Variants in PSMD1 observed in about 807,000 individuals in gnomAD.
The protein encoded by PSMD1 is proteasome 26S subunit, non-ATPase 1, also known as 26S proteasome non-ATPase regulatory subunit 1.
PSMD1 carries 18 observed loss-of-function variants against 119.0 expected under a neutral mutation model. The ratio of observed to expected loss-of-function variants is 0.15; its 90% CI spans 0.10 to 0.22. The LOEUF (loss-of-function observed/expected upper bound fraction) is 0.22. Among genes scored for constraint, PSMD1 ranks in the 10% least tolerant of loss-of-function variants. The probability of loss-of-function intolerance (pLI) is 1.00; values close to 1 mark genes in which losing one functional copy is unlikely to be tolerated. For missense variants in PSMD1, 702 were observed against 1,158.5 expected (o/e 0.61, Z 5.72); for synonymous variants, 374 against 396.6 (o/e 0.94, Z 0.68).
intron 19 of PSMD1, among the ~76,000 whole-genome samples, chr2:231,157,430 C>CTTTTTTTTTTT (rs756874279): frequency 1.5e-4 from 19 of 128,788 alleles, no homozygotes; most frequent in East Asian, 2.3e-4. Flanking sequence ...TTTTCTTTTT[C>CTTTTTTTTTTT]TTTTTTTTTT....
At chr2:231,129,615 T>C (rs546642503) in intron 16 of PSMD1, among the ~76,000 whole-genome samples, 13 of 152,320 alleles carry the variant, frequency 8.5e-5, no homozygotes, top group African/African-American at 3.1e-4. Flanking sequence ...ACAGTCTGTG[T>C]GGTTTTGTTT....
chr2:231,087,471 C>T lies in PSMD1; in HGVS notation c.1883+290C>T, dbSNP rs146748435. Among the ~76,000 whole-genome samples the T allele has an allele frequency of 1.9e-4, 29 of 152,248 alleles. No homozygotes were observed. The East Asian group carries it at 5.6e-3, about 29-fold the overall frequency. ...AACTTTTTAAATCCAAATAACACAT[C>T]CAGTACTCCTCTTCTTGTATATTGG... is the stretch of plus-strand genomic sequence containing the variant. On this transcript the variant is annotated intron_variant, in intron 16 of 24. Transcript: ENST00000308696.
At chr2:231,064,121 T>C (rs1395554220) in intron 4 of PSMD1, among the ~76,000 whole-genome samples, 2 of 152,262 alleles carry the variant, frequency 1.3e-5, no homozygotes, top group African/African-American at 4.8e-5. Context: ...TCATTTTACC[T>C]TTGGAAGGTG....
chr2:231,099,792 G>A (rs1032004413), intron 16 of PSMD1, among the ~76,000 whole-genome samples: 17 of 152,096 alleles, frequency 1.1e-4, no homozygotes, highest in African/African-American at 3.6e-4. Context: ...AAATGGGGAT[G>A]GCTCGCCTCT....
In PSMD1 at chr2:231,083,730, T is replaced by C; in HGVS notation, c.1689T>C (p.Ala563=). ...TAATGTATGGGAGGATGGAAGAGGC[T>C]GATGCTCTCATTGAATCTCTCTGTC... ...ALVMYGRMEE[A]DALIESLCRD... The change falls in exon 14 of 25, where the codon GCT becomes GCC. Residue 563 remains alanine (A), a synonymous_variant. Coordinates refer to ENST00000308696, the MANE Select transcript of PSMD1 (RefSeq NM_002807.4). 1.9e-6 allele frequency: 3 copies of C among 1,614,202 alleles called. No individual in the cohort carries two copies. The highest frequency in any genetic ancestry group is 2.5e-6 in the Non-Finnish European group (3 of 1,180,038).
intron 5 of PSMD1, among the ~76,000 whole-genome samples, chr2:231,069,151 CA>C (rs1693976837): frequency 6.9e-6 from 1 of 144,174 alleles, no homozygotes; most frequent in Admixed American, 6.9e-5. Context: ...AGCAGTCAAA[CA>C]AATAAATATA....
At chr2:231,123,730 C>T in intron 16 of PSMD1, 1 of 1,614,002 alleles carries the variant, frequency 6.2e-7, no homozygotes, top group East Asian at 2.2e-5. Flanking sequence ...AGGAATTGTG[C>T]TTTGAAGTTC....
chr2:231,113,809 T>C, intron 16 of PSMD1: 2 of 1,614,180 alleles, frequency 1.2e-6, no homozygotes, highest in Non-Finnish European at 1.7e-6. Context: ...GATTGGCTTT[T>C]TGATGGCTAT....
rs1694395484 is a variant in PSMD1 at position 231,084,943 on chromosome 2, G to A, written c.1723-76G>A. ...TCTGAGACCAGCTTACTTGGTGGAT[G>A]CCACTATGCCTATTAGACTGTAGAA... On this transcript the variant is annotated intron_variant, in intron 14 of 24. Coordinates refer to ENST00000308696, the MANE Select transcript of PSMD1 (RefSeq NM_002807.4). 46 of 1,145,606 alleles carry A rather than the reference G, an allele frequency of 4.0e-5. No individual in the cohort carries two copies. In the South Asian group the frequency reaches 4.6e-4, roughly 11 times the overall value. The allele number at this position is 1,145,606 out of a possible 1,614,324, so 71.0% of individuals were successfully genotyped here. A position where few individuals can be genotyped will look rare whatever the true frequency, so the allele number is the denominator to read the frequency against.
chr2:231,088,469 CTCATT>C (rs1694508578), intron 16 of PSMD1, among the ~76,000 whole-genome samples: 1 of 152,226 alleles, frequency 6.6e-6, no homozygotes, highest in African/African-American at 2.4e-5. Context: ...ACAATGTGTG[CTCATT>C]TCATTTCTCT....
At chr2:231,107,335 G>A (rs1695000832) in intron 16 of PSMD1, among the ~76,000 whole-genome samples, 1 of 152,164 alleles carries the variant, frequency 6.6e-6, no homozygotes, top group African/African-American at 2.4e-5. Flanking sequence ...CCTGCAGAAG[G>A]ACAGCAATAG....
intron 16 of PSMD1, among the ~76,000 whole-genome samples, chr2:231,137,636 G>C (rs1696006289): frequency 1.3e-5 from 2 of 152,036 alleles, no homozygotes; most frequent in Admixed American, 1.3e-4. Flanking sequence ...TGGGACGGTA[G>C]ATCCCGTCAC....
At chr2:231,162,718 T>C (rs1696669639) in intron 20 of PSMD1, among the ~76,000 whole-genome samples, 1 of 151,742 alleles carries the variant, frequency 6.6e-6, no homozygotes, top group Admixed American at 6.6e-5. Context: ...TCCCAGCTGC[T>C]TGGGAGGCTG....
chr2:231,122,885 T>C (rs749406226), intron 16 of PSMD1, among the ~76,000 whole-genome samples: 80 of 152,140 alleles, frequency 5.3e-4, no homozygotes, highest in Non-Finnish European at 9.4e-4. Flanking sequence ...ATGACACATA[T>C]GTAGGAATTG....
chr2:231,065,968 C>G (rs7564129), intron 4 of PSMD1, among the ~76,000 whole-genome samples: 69,965 of 151,994 alleles, frequency 0.46, 18,166 homozygotes, highest in African/African-American at 0.7. Flanking sequence ...TTTTACTGTA[C>G]CTTTTCTGTG....
rs1450612235 is a variant in PSMD1 at position 231,075,492 on chromosome 2, T to C, written c.882-19T>C. 8 of 1,609,480 alleles carry C rather than the reference T, an allele frequency of 5.0e-6. No individual in the cohort carries two copies. Among genetic ancestry groups the C allele is most frequent in the African/African-American group, 1.3e-5 (1 of 74,632 alleles). On this transcript the variant is annotated intron_variant, in intron 7 of 24. Transcript: ENST00000308696. ...TTGTACTTCTCTTCAGAAAAAATTA[T>C]TGGTTCTTTTCATTTCAGTGACTCG...
intron 16 of PSMD1, among the ~76,000 whole-genome samples, chr2:231,096,792 C>T (rs1055306204): frequency 6.6e-6 from 1 of 152,130 alleles, no homozygotes; most frequent in Non-Finnish European, 1.5e-5. Flanking sequence ...AGGGTTAGAC[C>T]GCACAGGCTA....
intron 16 of PSMD1, among the ~76,000 whole-genome samples, chr2:231,101,308 C>G (rs1489175601): frequency 6.6e-6 from 1 of 152,128 alleles, no homozygotes; most frequent in African/African-American, 2.4e-5. Context: ...ATTTAACTGC[C>G]TTTAGCTAAA....
At chr2:231,107,946 C>T (rs1695015769) in intron 16 of PSMD1, among the ~76,000 whole-genome samples, 1 of 152,208 alleles carries the variant, frequency 6.6e-6, no homozygotes, top group South Asian at 2.1e-4. Context: ...TGTGTGATAT[C>T]CAGCTACTAT....
Sources: allele counts gnomAD v4.1 joint callset (sites outside exome capture counted in the v4.1 genomes callset), GRCh38; gene constraint gnomAD v4.1.1; transcripts MANE v1.5; gene names NCBI Gene and HGNC (gene_info 2026-07-23, HGNC 2026-07-21).